The following FRMPD2 variants were observed in gnomAD, a reference collection of about 807,000 sequenced individuals.
FRMPD2 encodes the protein FERM and PDZ domain-containing protein 2.
FRMPD2 carries 96 observed loss-of-function variants against 140.1 expected under a neutral mutation model. That is an observed-to-expected ratio of 0.69 (90% CI 0.58 to 0.81). FRMPD2 has a LOEUF of 0.81. FRMPD2 is among the 40% of genes least tolerant of loss of function. The pLI is 0.00. For missense variants in FRMPD2, 1,240 were observed against 1,447.4 expected (o/e 0.86, Z 2.32); for synonymous variants, 449 against 547.6 (o/e 0.82, Z 2.52).
At chr10:48,185,516 G>A (rs780466190) in intron 18 of FRMPD2, 37 bp downstream of exon 18, 5 of 1,462,014 alleles carry the variant, frequency 3.4e-6, no homozygotes, top group East Asian at 2.3e-5. Flanking sequence ...TTGCCCAGCA[G>A]TAGAGACTGG....
chr10:48,202,383 C>T (rs58555605), intron 14 of FRMPD2, among the ~76,000 whole-genome samples: 5,490 of 152,226 alleles, frequency 0.036, 129 homozygotes, highest in Non-Finnish European at 0.044. Context: ...ACTCCATTCA[C>T]GCATGTCAGA....
chr10:48,227,910 C>T (rs1253153845), intron 10 of FRMPD2, among the ~76,000 whole-genome samples: 3 of 152,074 alleles, frequency 2.0e-5, no homozygotes, highest in Admixed American at 2.0e-4. Context: ...TGTTTGGAGA[C>T]TTGTCAACAT....
rs1838615476 is a variant in FRMPD2, at chr10:48,183,995, G to C, written c.2584+571C>G. ...AGGATGGGAGGAGAGAGAGGATCAGGAAAAATAACTATTGGGCACTATGCT... is the reference window on the plus strand; with the variant it reads ...AGGATGGGAGGAGAGAGAGGATCAGCAAAAATAACTATTGGGCACTATGCT... On this transcript the variant is annotated intron_variant, in intron 20 of 28. Transcript: ENST00000374201. Among the ~76,000 whole-genome samples, 2 of 151,988 alleles carry C rather than the reference G, an allele frequency of 1.3e-5. 1 individual carries two copies. Among genetic ancestry groups the C allele is most frequent in the South Asian group, 4.2e-4 (2 of 4,812 alleles).
At chr10:48,222,516 T>G (rs1392628811) in intron 11 of FRMPD2, 65 bp from the exon 12 acceptor site, 1 of 1,565,618 alleles carries the variant, frequency 6.4e-7, no homozygotes, top group African/African-American at 1.4e-5. Flanking sequence ...TTAGCACCAG[T>G]GGGTTTTCTC....
At chr10:48,259,009 T>C (rs577477671) in intron 1 of FRMPD2, among the ~76,000 whole-genome samples, 1 of 152,336 alleles carries the variant, frequency 6.6e-6, no homozygotes, top group South Asian at 2.1e-4. Flanking sequence ...GACTGTCTTC[T>C]TGACATAATC....
intron 1 of FRMPD2, among the ~76,000 whole-genome samples, chr10:48,267,398 A>G (rs1471287122): frequency 6.6e-6 from 1 of 152,246 alleles, no homozygotes; most frequent in Non-Finnish European, 1.5e-5. Flanking sequence ...TGGGCTCAAC[A>G]GCAGAATGGA....
At chr10:48,217,373 A>C (rs1263872047) in intron 12 of FRMPD2, among the ~76,000 whole-genome samples, 1 of 152,182 alleles carries the variant, frequency 6.6e-6, no homozygotes, top group Non-Finnish European at 1.5e-5. Flanking sequence ...TGTGAACAAA[A>C]ACCCAGCAGG....
intron 20 of FRMPD2, among the ~76,000 whole-genome samples, chr10:48,181,754 T>C (rs1279298942): frequency 6.6e-6 from 1 of 151,508 alleles, no homozygotes. Context: ...ATCAATAATA[T>C]TGTAGAGTTG....
At chr10:48,267,157 G>A (rs900586904) in intron 1 of FRMPD2, among the ~76,000 whole-genome samples, 15 of 152,100 alleles carry the variant, frequency 9.9e-5, no homozygotes, top group African/African-American at 3.4e-4. Flanking sequence ...GGATTCAGTC[G>A]CTATTGCTCA....
chr10:48,241,996 T>C (rs1386147891), intron 5 of FRMPD2, 165 bp downstream of exon 5: 3 of 515,908 alleles, frequency 5.8e-6, no homozygotes, highest in Non-Finnish European at 1.0e-5. Context: ...TTCAATAGGG[T>C]CATCACCTGC....
intron 16 of FRMPD2, among the ~76,000 whole-genome samples, chr10:48,189,525 G>T (rs1838778781): frequency 6.6e-6 from 1 of 152,210 alleles, no homozygotes. Context: ...CCCAGGCTTA[G>T]GCCAGCGGCA....
chr10:48,193,029 G>A (rs943766822), intron 15 of FRMPD2, 135 bp from the exon 16 acceptor site: 4 of 680,878 alleles, frequency 5.9e-6, no homozygotes, highest in African/African-American at 5.3e-5. Flanking sequence ...TTTGTCTCCT[G>A]TGATTATCCC....
At chr10:48,229,166 ATTTTGTG>A (rs1203417777) in intron 10 of FRMPD2, among the ~76,000 whole-genome samples, 1 of 152,072 alleles carries the variant, frequency 6.6e-6, no homozygotes, top group Non-Finnish European at 1.5e-5. Flanking sequence ...GAAAACAAAA[ATTTTGTG>A]TTTTATCAGA....
rs768234144 is a variant in FRMPD2 at position 48,212,095 on chromosome 10, C to T, written c.1470G>A (p.Lys490=). The T allele has an allele frequency of 1.8e-5, 29 of 1,614,008 alleles. No homozygotes were observed. Among genetic ancestry groups the T allele is most frequent in the Non-Finnish European group, 2.3e-5 (27 of 1,179,964 alleles). The change falls in exon 13 of 29, where the codon AAG becomes AAA. Residue 490 remains lysine, a synonymous_variant. Coordinates refer to ENST00000374201, the MANE Select transcript of FRMPD2 (RefSeq NM_001018071.4). ...TGTAATCTTCAACGTGAAAGTATGGCTTACTCTCCACCTGCTGGAAGTAAG... is the reference window on the plus strand; with the variant it reads ...TGTAATCTTCAACGTGAAAGTATGGTTTACTCTCCACCTGCTGGAAGTAAG... ...GNYPKEQVES[K]PYFHVEDYIP...
Position 48,178,123 on chromosome 10 carries a change from G to C in FRMPD2, c.2819C>G (p.Pro940Arg), listed in dbSNP as rs1323359549. 1 of 1,568,688 alleles carries C rather than the reference G, an allele frequency of 6.4e-7. No individual in the cohort carries two copies. Among genetic ancestry groups the C allele is most frequent in the Non-Finnish European group, 8.8e-7 (1 of 1,141,392 alleles). The change falls in exon 22 of 29, where the codon CCT becomes CGT. Residue 940 changes from proline (P) to arginine (R), a missense_variant. Physicochemically the swap from Pro to Arg is moderately radical, Grantham distance 103. This residue lies in a region of FRMPD2 where 25 missense variants were observed against 41.5 expected (regional missense o/e 0.60). Coordinates refer to ENST00000374201, the MANE Select transcript of FRMPD2 (RefSeq NM_001018071.4). The stretch of plus-strand genomic sequence containing the variant: ...GATTTCACCAGCACTGATTTCTGGA[G>C]GTGATGGAGGACAAGAAGAACCAGC... ...KGAGSSCPPS[P>R]PEISAGEIYF...
chr10:48,234,691 G>A (rs1353514113), intron 9 of FRMPD2, among the ~76,000 whole-genome samples: 2 of 152,130 alleles, frequency 1.3e-5, no homozygotes, highest in Non-Finnish European at 2.9e-5. Flanking sequence ...ATTTTACTGA[G>A]GGAGCCCTCA....
chr10:48,214,451 G>C (rs1197326083), intron 12 of FRMPD2, among the ~76,000 whole-genome samples: 2 of 152,142 alleles, frequency 1.3e-5, no homozygotes, highest in African/African-American at 2.4e-5. Context: ...GTCAATGTAG[G>C]TTCATTGATT....
At position 48,184,627 on chromosome 10, in the gene FRMPD2, C is replaced by A. The variant is rs779791162; in HGVS notation, c.2523G>T (p.Met841Ile). The stretch of plus-strand genomic sequence containing the variant: ...GGGAATTCTGGATCATCCTAACAGC[C>A]ATGTTGAATGTGAAGCCCTCCAGAC... ...HISLEGFTFNMAVRMIQNSPD... is the reference protein window; with the variant it reads ...HISLEGFTFNIAVRMIQNSPD... Residue 841 changes from methionine (M) to isoleucine (I), a missense_variant, in exon 20 of 29, where the codon ATG (methionine) becomes ATT (isoleucine). By Grantham distance (10) the Met-to-Ile change is conservative (BLOSUM62 1). Transcript: ENST00000374201. The A allele has an allele frequency of 6.2e-7, 1 of 1,613,768 alleles. No individual in the cohort carries two copies. Among genetic ancestry groups the A allele is most frequent in the East Asian group, 2.2e-5 (1 of 44,866 alleles).
At chr10:48,225,886 C>T (rs72792234) in intron 10 of FRMPD2, among the ~76,000 whole-genome samples, 4,828 of 152,168 alleles carry the variant, frequency 0.032, 100 homozygotes, top group Non-Finnish European at 0.044. Flanking sequence ...TGACTTGATT[C>T]GAGATCTGGT....
Sources: allele counts gnomAD v4.1 joint callset (sites outside exome capture counted in the v4.1 genomes callset), GRCh38; gene constraint gnomAD v4.1.1; regional missense constraint gnomAD v4.1.1; transcripts MANE v1.5; gene names NCBI Gene and HGNC (gene_info 2026-07-23, HGNC 2026-07-21).